The following GARS1 variants were observed in gnomAD, a reference collection of about 807,000 sequenced individuals.
GARS1 encodes glycyl-tRNA synthetase 1, also known as glycine--tRNA ligase.
A neutral mutation model predicts 86.4 loss-of-function variants in GARS1; 46 were observed. The observed-to-expected ratio is 0.53, with a 90% confidence interval of 0.42 to 0.68. The LOEUF is 0.68. Ranked by LOEUF, GARS1 falls within the 30% of genes least tolerant of loss-of-function variation. The pLI, the probability that GARS1 is intolerant of heterozygous loss-of-function variation, is 0.00. For synonymous variants in GARS1, 342 were observed against 329.8 expected (o/e 1.04, Z -0.40); for missense variants, 797 against 915.6 (o/e 0.87, Z 1.67).
intron 2 of GARS1, among the ~76,000 whole-genome samples, chr7:30,599,294 C>G (rs1791326966): frequency 6.6e-6 from 1 of 152,340 alleles, no homozygotes; most frequent in Admixed American, 6.5e-5. Flanking sequence ...CTCCCATCAC[C>G]AAACTTAAGT....
chr7:30,618,123 A>C (rs1031902038), intron 10 of GARS1, among the ~76,000 whole-genome samples: 2 of 152,316 alleles, frequency 1.3e-5, no homozygotes, highest in South Asian at 2.1e-4. Flanking sequence ...AGTAATGACT[A>C]CTTTTTTTAA....
Position 30,622,332 on chromosome 7 carries a change from G to A in GARS1, c.1483G>A (p.Val495Ile), listed in dbSNP as rs769460182. The A allele has an allele frequency of 6.2e-7, 1 of 1,614,122 alleles. No individual in the cohort carries two copies. Among genetic ancestry groups the A allele is most frequent in the East Asian group, 2.2e-5 (1 of 44,852 alleles). The change falls in exon 12 of 17, where the codon GTT becomes ATT. Residue 495 changes from valine to isoleucine, a missense_variant. Physicochemically the swap from Val to Ile is conservative, Grantham distance 29. Coordinates refer to ENST00000389266, the MANE Select transcript of GARS1 (RefSeq NM_002047.4). ...TACTTCATACAAAACAGTCAATGTTGTTCAGTTTGAACCCAGTAAGGGAGC... is the reference window on the plus strand; with the variant it reads ...TACTTCATACAAAACAGTCAATGTTATTCAGTTTGAACCCAGTAAGGGAGC... ...PLKEPKTVNV[V>I]QFEPSKGAIG...
intron 11 of GARS1, 168 bp from the exon 12 acceptor site, chr7:30,622,149 T>A (rs1055123197): frequency 6.9e-6 from 5 of 726,766 alleles, no homozygotes; most frequent in Non-Finnish European, 2.4e-6. Flanking sequence ...GTTGTCTGAA[T>A]GATTTTGTGG....
At chr7:30,628,386 T>C in intron 13 of GARS1, 174 bp from the exon 14 acceptor site, 1 of 505,958 alleles carries the variant, frequency 2.0e-6, no homozygotes, top group Non-Finnish European at 3.9e-6. Flanking sequence ...GGTTTCACCA[T>C]GTTGGTCAGG....
chr7:30,598,886 C>G lies in GARS1; in HGVS notation c.313C>G (p.Leu105Val), dbSNP rs1791317535. ...VAELKARKRV[L>V]EAKELALQPK... is the part of the protein sequence containing the mutation. ...TGAGCTCAAAGCCCGCAAGAGGGTTCTGGAAGCAAAGGTGAGTCCTGGGAT... is the reference window on the plus strand; with the variant it reads ...TGAGCTCAAAGCCCGCAAGAGGGTTGTGGAAGCAAAGGTGAGTCCTGGGAT... Residue 105 changes from leucine (L) to valine (V), a missense_variant, in exon 2 of 17, where the codon CTG becomes GTG. By Grantham distance (32) the Leu-to-Val change is conservative. Around this residue, in one of 2 missense-constraint regions of GARS1, gnomAD observed 199 missense variants for 176.9 expected, o/e 1.12. Transcript: ENST00000389266. 3.1e-6 allele frequency: 5 copies of G among 1,613,670 alleles called. No homozygotes were observed. The highest frequency in any genetic ancestry group is 4.2e-6 in the Non-Finnish European group (5 of 1,179,580).
rs769843557 is a variant in GARS1 at position 30,632,236 on chromosome 7, AT to A, written c.1904-7del. The A allele has an allele frequency of 6.2e-7, 1 of 1,613,718 alleles. No individual in the cohort carries two copies. Among genetic ancestry groups the A allele is most frequent in the African/African-American group, 1.3e-5 (1 of 75,014 alleles). On this transcript the variant is annotated splice_polypyrimidine_tract_variant and intron_variant, in intron 15 of 16. Coordinates refer to ENST00000389266, the MANE Select transcript of GARS1 (RefSeq NM_002047.4). This position sits in a 1 kb window ranked among gnomAD's most constrained non-coding sequence, Gnocchi z 4.1. ...GTTTTATTTTTAATTTACTTTGTTT[AT>A]TTTGGATAGCGGAAGCCCTGACCAG...
chr7:30,612,764 A>G (rs1253573601), intron 8 of GARS1, among the ~76,000 whole-genome samples: 1 of 152,150 alleles, frequency 6.6e-6, no homozygotes, highest in African/African-American at 2.4e-5. Flanking sequence ...CAGAAAGGCC[A>G]GCAAGCAAGC....
intron 1 of GARS1, 76 bp downstream of exon 1, chr7:30,595,219 C>A (rs542478317): frequency 7.8e-7 from 1 of 1,279,700 alleles, no homozygotes; most frequent in Non-Finnish European, 1.1e-6. Flanking sequence ...CTTCCCTCCT[C>A]CCCGGGGAAC....
chr7:30,633,737 C>T lies in GARS1; in HGVS notation c.2097C>T (p.Ile699=). 6.2e-7 allele frequency: 1 copy of T among 1,613,932 alleles called. No individual in the cohort carries two copies. The highest frequency in any genetic ancestry group is 1.6e-4 in the Middle Eastern group (1 of 6,062). The change falls in exon 17 of 17, where the codon ATC becomes ATT. Residue 699 remains isoleucine (I), a splice_region_variant and synonymous_variant. Coordinates refer to ENST00000389266, the MANE Select transcript of GARS1 (RefSeq NM_002047.4). ...RDSMRQIRAE[I]SELPSIVQDL... is the part of the protein sequence containing the mutation. ...GGCTTCTCTTTCCTTGTCTCTAGAT[C>T]TCTGAGCTGCCCAGCATAGTCCAAG...
In GARS1 at chr7:30,617,577, A is replaced by G. The variant is rs6970807; in HGVS notation, c.1359+299A>G. Reference sequence around the variant, plus strand: ...GGCAATATCCTGGAGTGGATCTAAGACACATTGGCCTCTCCTTCCTGGCAA... The same window carrying G: ...GGCAATATCCTGGAGTGGATCTAAGGCACATTGGCCTCTCCTTCCTGGCAA... On this transcript the variant is annotated intron_variant, in intron 10 of 16. Coordinates refer to ENST00000389266, the MANE Select transcript of GARS1 (RefSeq NM_002047.4). 0.48 allele frequency among the ~76,000 whole-genome samples: 73,464 copies of G among 151,990 alleles called. 21,478 individuals are homozygous for G. Among genetic ancestry groups the G allele is most frequent in the Non-Finnish European group, 0.65 (44,023 of 67,954 alleles).
intron 6 of GARS1, among the ~76,000 whole-genome samples, chr7:30,604,531 G>T (rs1208848888): frequency 1.3e-5 from 2 of 149,658 alleles, no homozygotes; most frequent in African/African-American, 4.9e-5. Flanking sequence ...TTTTTTTTTA[G>T]CATGCTTTTT....
intron 1 of GARS1, among the ~76,000 whole-genome samples, chr7:30,596,322 T>A (rs1432426102): frequency 6.6e-6 from 1 of 152,216 alleles, no homozygotes; most frequent in African/African-American, 2.4e-5. Context: ...CGGGCTTAAC[T>A]TTTTTCTTCA....
At chr7:30,631,124 A>G in intron 14 of GARS1, 1 of 305,126 alleles carries the variant, frequency 3.3e-6, no homozygotes. Flanking sequence ...AGCTTTCAGA[A>G]TGCTTTCACA....
Position 30,601,115 on chromosome 7 carries a change from A to G in GARS1, c.484A>G (p.Ile162Val), listed in dbSNP as rs755718829. 1 of 1,613,954 alleles carries G rather than the reference A, an allele frequency of 6.2e-7. No homozygotes were observed. The highest frequency in any genetic ancestry group is 8.5e-7 in the Non-Finnish European group (1 of 1,179,842). ...TGGCTGTGCTTTGAAGAACAATATTATTCAGACCTGGAGGCAGCACTTTAT... is the reference window on the plus strand; with the variant it reads ...TGGCTGTGCTTTGAAGAACAATATTGTTCAGACCTGGAGGCAGCACTTTAT... ...PVGCALKNNI[I>V]QTWRQHFIQE... is the part of the protein sequence containing the mutation. Residue 162 changes from isoleucine (I) to valine (V), a missense_variant, in exon 4 of 17, where the codon ATT becomes GTT. Physicochemically the swap from Ile to Val is conservative, Grantham distance 29. Around this residue, in one of 2 missense-constraint regions of GARS1, gnomAD observed 598 missense variants for 738.7 expected, o/e 0.81. Transcript: ENST00000389266.
chr7:30,596,046 A>G, intron 1 of GARS1: 2 of 370,292 alleles, frequency 5.4e-6, no homozygotes, highest in Non-Finnish European at 1.1e-5. Context: ...AGATTATTTC[A>G]GATGATTCCC....
rs563045689 is a variant in GARS1 at position 30,631,757 on chromosome 7, A to G, written c.1903+216A>G. On this transcript the variant is annotated intron_variant, in intron 15 of 16. Transcript: ENST00000389266. ...TGGCATTTGAGTGAGGCAAGGTAGG[A>G]CCCAAGAGTCAGATTTAAAAATTAT... Among the ~76,000 whole-genome samples, 9 of 152,330 alleles carry G rather than the reference A, an allele frequency of 5.9e-5. No individual in the cohort carries two copies. The South Asian group carries it at 1.0e-3, about 18-fold the overall frequency.
chr7:30,618,063 T>C (rs1397648821), intron 10 of GARS1, among the ~76,000 whole-genome samples: 3 of 152,210 alleles, frequency 2.0e-5, no homozygotes, highest in Non-Finnish European at 4.4e-5. Flanking sequence ...AATGGCTTTC[T>C]TTTTATGGAT....
At chr7:30,616,159 C>A in intron 9 of GARS1, 101 bp downstream of exon 9, 1 of 1,337,134 alleles carries the variant, frequency 7.5e-7, no homozygotes, top group Non-Finnish European at 1.1e-6. Flanking sequence ...TTTATTTTGG[C>A]AGTCATTTGC....
rs377716617 is a variant in GARS1, at chr7:30,626,366, T to C, written c.1699+47T>C. 1,265 of 1,195,410 alleles carry C rather than the reference T, an allele frequency of 1.1e-3. 4 individuals carry two copies. Among genetic ancestry groups the C allele is most frequent in the Non-Finnish European group, 1.4e-3 (1,151 of 810,296 alleles). The allele number at this position is 1,195,410 out of a possible 1,614,324, so 74.1% of individuals were successfully genotyped here. ...ACAAAAAGTCACTGCTCCTTAAAGC[T>C]TTTGTTGTTGTTTGAGACAGGGTCT... On this transcript the variant is annotated intron_variant, in intron 13 of 16. Coordinates refer to ENST00000389266, the MANE Select transcript of GARS1 (RefSeq NM_002047.4).
Sources: allele counts gnomAD v4.1 joint callset (sites outside exome capture counted in the v4.1 genomes callset), GRCh38; gene constraint gnomAD v4.1.1; regional missense constraint gnomAD v4.1.1; non-coding constraint Gnocchi (gnomAD v3.1); transcripts MANE v1.5; gene names NCBI Gene and HGNC (gene_info 2026-07-23, HGNC 2026-07-21).